The following TNRC18 variants were observed in gnomAD, a reference collection of about 807,000 sequenced individuals.
TNRC18 encodes the protein trinucleotide repeat-containing gene 18 protein.
Under a neutral mutation model 226.7 loss-of-function variants are expected in TNRC18, and 69 were observed. The observed-to-expected ratio is 0.30, with a 90% CI of 0.25 to 0.37. TNRC18 has a LOEUF of 0.37. Among genes scored for constraint, TNRC18 ranks in the 10% least tolerant of loss-of-function variants. The pLI is 1.00. For missense variants in TNRC18, 4,754 were observed against 4,256.6 expected (o/e 1.12, Z -3.25); for synonymous variants, 2,449 against 1,927.6 (o/e 1.27, Z -7.09).
chr7:5,363,419 G>A (rs538505793), intron 11 of TNRC18, among the ~76,000 whole-genome samples: 6 of 151,904 alleles, frequency 3.9e-5, no homozygotes, highest in East Asian at 3.9e-4. Context: ...TGGCTAACAC[G>A]GTGAAATCCC....
At chr7:5,422,605 T>A (rs1416638524) in intron 1 of TNRC18, among the ~76,000 whole-genome samples, 8 of 152,050 alleles carry the variant, frequency 5.3e-5, no homozygotes. Context: ...AGCCACCGGC[T>A]CCCGGGTGCC....
At chr7:5,372,157 T>A (rs2128173975) in intron 10 of TNRC18, among the ~76,000 whole-genome samples, 1 of 150,584 alleles carries the variant, frequency 6.6e-6, no homozygotes, top group South Asian at 2.1e-4. Flanking sequence ...AAGCTCCACC[T>A]CCTGGGTTCA....
At chr7:5,316,779 G>T (rs530909726) in intron 24 of TNRC18, among the ~76,000 whole-genome samples, 1 of 152,222 alleles carries the variant, frequency 6.6e-6, no homozygotes, top group African/African-American at 2.4e-5. Context: ...GGATGAACGT[G>T]CAGGAACGGG....
rs1260278750 is a variant in TNRC18, at chr7:5,421,264, C to A, written c.-18G>T. The stretch of plus-strand genomic sequence containing the variant: ...CCATCCATCCTCCGCGGGAGTGCCG[C>A]GATCAGCCCCCCACCCGGCCCGCAG... On this transcript the variant is annotated 5_prime_UTR_variant, in exon 2 of 30. Coordinates refer to ENST00000430969, the MANE Select transcript of TNRC18 (RefSeq NM_001080495.3). 2 of 1,280,044 alleles carry A rather than the reference C, an allele frequency of 1.6e-6. No individual in the cohort carries two copies. The highest frequency in any genetic ancestry group is 2.0e-6 in the Non-Finnish European group (2 of 1,010,672). 79.3% of individuals were successfully genotyped at this position (1,280,044 alleles called of 1,614,324 possible). A position where few individuals can be genotyped will look rare whatever the true frequency, so the allele number is the denominator to read the frequency against.
rs570156957 is a variant in TNRC18 at position 5,394,648 on chromosome 7, C to T, written c.188-53G>A. 22 of 1,430,114 alleles carry T rather than the reference C, an allele frequency of 1.5e-5. No individual in the cohort carries two copies. The highest frequency in any genetic ancestry group is 2.6e-5 in the East Asian group (1 of 39,060). The allele number at this position is 1,430,114 out of a possible 1,614,324, so 88.6% of individuals were successfully genotyped here. A position where few individuals can be genotyped will look rare whatever the true frequency, so the allele number is the denominator to read the frequency against. On this transcript the variant is annotated intron_variant, in intron 2 of 29. Transcript: ENST00000430969. This position sits in a 1 kb window ranked among gnomAD's most constrained non-coding sequence, Gnocchi z 4.5. Reference sequence around the variant, plus strand: ...AGGCAGACAACCAGGGAGGCGCCGCCGCCCCAGCCCACCGCCCCGACCCAC... The same window carrying T: ...AGGCAGACAACCAGGGAGGCGCCGCTGCCCCAGCCCACCGCCCCGACCCAC...
chr7:5,370,668 T>C lies in TNRC18; in HGVS notation c.3926A>G (p.Glu1309Gly). ...PAGEGQCPSL[E>G]PQEAVPVLGS... is the part of the protein sequence containing the mutation. ...GAGTACAGGCACGGCCTCTTGGGGCTCCAGGCTCGGGCACTGTCCCTCCCC... is the reference window on the plus strand; with the variant it reads ...GAGTACAGGCACGGCCTCTTGGGGCCCCAGGCTCGGGCACTGTCCCTCCCC... The change falls in exon 11 of 30, where the codon GAG (glutamate) becomes GGG (glycine). Residue 1309 changes from glutamate to glycine, a missense_variant. Transcript: ENST00000430969. The C allele has an allele frequency of 6.2e-7, 1 of 1,612,650 alleles. No homozygotes were observed. The highest frequency in any genetic ancestry group is 8.5e-7 in the Non-Finnish European group (1 of 1,179,712).
rs151273490 is a variant in TNRC18 at position 5,344,128 on chromosome 7, G to T, written c.5719+1434C>A. Among the ~76,000 whole-genome samples, 387 of 152,332 alleles carry T rather than the reference G, an allele frequency of 2.5e-3. 5 individuals carry two copies. The highest frequency in any genetic ancestry group is 8.9e-3 in the African/African-American group (372 of 41,584). ...CATATGCCAATACCTTGGGCAGTCT[G>T]GGTGAAATGGATGTTTGGGGTGTAT... On this transcript the variant is annotated intron_variant, in intron 18 of 29. Transcript: ENST00000430969.
At chr7:5,375,508 C>A (rs1462138948) in intron 9 of TNRC18, among the ~76,000 whole-genome samples, 1 of 152,170 alleles carries the variant, frequency 6.6e-6, no homozygotes, top group African/African-American at 2.4e-5. Flanking sequence ...CCTGGCAGAG[C>A]TAAGATTCAG....
chr7:5,318,164 G>A (rs530406345), intron 24 of TNRC18, among the ~76,000 whole-genome samples: 82 of 152,166 alleles, frequency 5.4e-4, no homozygotes, highest in South Asian at 1.9e-3. Context: ...GAGCCACCAC[G>A]CCTGGCCCAA....
intron 2 of TNRC18, among the ~76,000 whole-genome samples, chr7:5,403,090 G>A (rs1034535580): frequency 6.6e-5 from 10 of 151,578 alleles, no homozygotes; most frequent in African/African-American, 1.5e-4. Flanking sequence ...AAGCAGAAGC[G>A]TCTGTTAGAC....
At chr7:5,313,984 T>TG (rs2128106038) in intron 26 of TNRC18, 121 bp from the exon 27 acceptor site, 2 of 1,106,012 alleles carry the variant, frequency 1.8e-6, no homozygotes, top group Non-Finnish European at 1.2e-6. Context: ...TTTTTTGAGA[T>TG]GGGGTCTCAG....
chr7:5,337,068 G>A (rs552196400), intron 18 of TNRC18, among the ~76,000 whole-genome samples: 2 of 152,190 alleles, frequency 1.3e-5, no homozygotes, highest in African/African-American at 2.4e-5. Context: ...CAACAAATCC[G>A]CCACGAGGCA....
Position 5,374,623 on chromosome 7 carries a change from G to A in TNRC18, c.2800-139C>T, listed in dbSNP as rs537783534. 4.4e-5 allele frequency: 36 copies of A among 814,434 alleles called. 1 individual carries two copies. The highest frequency in any genetic ancestry group is 7.5e-4 in the Middle Eastern group (2 of 2,680). The allele number at this position is 814,434 out of a possible 1,614,324, so 50.5% of individuals were successfully genotyped here. A position where few individuals can be genotyped will look rare whatever the true frequency, so the allele number is the denominator to read the frequency against. On this transcript the variant is annotated intron_variant, in intron 9 of 29. Transcript: ENST00000430969. Reference sequence around the variant, plus strand: ...GCCTGGGGTCCAGGCTGCCCACCCCGTCCCAGGCCAGAGACAGACATTCCA... The same window carrying A: ...GCCTGGGGTCCAGGCTGCCCACCCCATCCCAGGCCAGAGACAGACATTCCA...
chr7:5,361,181 G>A (rs897433343), intron 14 of TNRC18, among the ~76,000 whole-genome samples: 4 of 152,134 alleles, frequency 2.6e-5, no homozygotes, highest in Admixed American at 6.5e-5. Context: ...TGGTCTCGGG[G>A]CAAGCCAGCA....
rs1457499240 is a variant in TNRC18 at position 5,312,944 on chromosome 7, AGAG to A, written c.7944_7946del (p.Ser2671del). Reference sequence around the variant, plus strand: ...AGGACGAGGAAGAGGAGGAGGAGGAAGAGGAGGAAGACGAAGAGGAAGAGGAGG... The same window carrying A: ...AGGACGAGGAAGAGGAGGAGGAGGAAGAGGAAGACGAAGAGGAAGAGGAGG... On this transcript the variant is annotated inframe_deletion, in exon 27 of 30. Transcript: ENST00000430969. This position sits in a 1 kb window ranked among gnomAD's most constrained non-coding sequence, Gnocchi z 6.3. The A allele has an allele frequency of 5.7e-5, 76 of 1,325,186 alleles. No homozygotes were observed. Among genetic ancestry groups the A allele is most frequent in the African/African-American group, 1.9e-4 (12 of 64,604 alleles). The allele number at this position is 1,325,186 out of a possible 1,614,324, so 82.1% of individuals were successfully genotyped here. A position where few individuals can be genotyped will look rare whatever the true frequency, so the allele number is the denominator to read the frequency against.
chr7:5,389,350 A>C lies in TNRC18; in HGVS notation c.488-14T>G. The C allele has an allele frequency of 7.9e-7, 1 of 1,262,848 alleles. No homozygotes were observed. The highest frequency in any genetic ancestry group is 1.0e-6 in the Non-Finnish European group (1 of 1,004,982). 78.2% of individuals were successfully genotyped at this position (1,262,848 alleles called of 1,614,324 possible). A position where few individuals can be genotyped will look rare whatever the true frequency, so the allele number is the denominator to read the frequency against. On this transcript the variant is annotated splice_polypyrimidine_tract_variant and intron_variant, in intron 4 of 29. Transcript: ENST00000430969. Reference sequence around the variant, plus strand: ...GGTAGAAACCGTCTGCGGAGAAGGGAACAGCAGGCAGTGAGCGAGCGCCAC... The same window carrying C: ...GGTAGAAACCGTCTGCGGAGAAGGGCACAGCAGGCAGTGAGCGAGCGCCAC...
At chr7:5,370,110 G>GT in intron 11 of TNRC18, among the ~76,000 whole-genome samples, 1 of 152,210 alleles carries the variant, frequency 6.6e-6, no homozygotes, top group Admixed American at 6.5e-5. Context: ...GAGTCCAGGA[G>GT]TTTGAGACCA....
intron 2 of TNRC18, among the ~76,000 whole-genome samples, chr7:5,403,787 CTGTT>C (rs947594186): frequency 6.7e-6 from 1 of 149,812 alleles, no homozygotes; most frequent in Non-Finnish European, 1.5e-5. Context: ...GAGACCCTGT[CTGTT>C]TAAAAAAAAA....
chr7:5,351,214 G>A (rs897264449), intron 17 of TNRC18, among the ~76,000 whole-genome samples: 27 of 152,040 alleles, frequency 1.8e-4, no homozygotes, highest in Admixed American at 1.5e-3. Flanking sequence ...AGGAGGTGGG[G>A]GAGAAACAAA....
Sources: gnomAD v4.1 joint callset for allele counts (sites outside exome capture counted in the v4.1 genomes callset) on GRCh38, gnomAD v4.1.1 for gene constraint, Gnocchi (gnomAD v3.1) non-coding constraint, MANE v1.5 for transcripts, NCBI Gene and HGNC (gene_info 2026-07-23, HGNC 2026-07-21) for gene names.